Variants in HSPA12A observed in about 807,000 individuals in gnomAD.
The protein encoded by HSPA12A is heat shock 70 kDa protein 12A.
A neutral mutation model predicts 69.2 loss-of-function variants in HSPA12A; 28 were observed. The observed-to-expected ratio is 0.40, with a 90% CI of 0.30 to 0.55. The LOEUF (loss-of-function observed/expected upper bound fraction) is 0.55, where lower values mean the gene tolerates loss of function less well. HSPA12A is among the 20% of genes least tolerant of loss of function. HSPA12A has a pLI of 0.38. For missense variants in HSPA12A, 686 were observed against 900.7 expected (o/e 0.76, Z 3.05); for synonymous variants, 345 against 370.5 (o/e 0.93, Z 0.79).
chr10:116,692,393 C>A lies in HSPA12A; in HGVS notation c.621G>T (p.Trp207Cys). ...VRWVITVPAI[W>C]KQPAKQFMRQ... ...TCATGAACTGCTTGGCCGGCTGCTT[C>A]CAGATGGCAGGCACCGTGATGACCC... Residue 207 changes from tryptophan (W) to cysteine (C), a missense_variant, in exon 6 of 12, where the codon TGG becomes TGT. Trp to Cys is a radical substitution (Grantham distance 215). Coordinates refer to ENST00000369209, the MANE Select transcript of HSPA12A (RefSeq NM_025015.3). The A allele has an allele frequency of 6.2e-7, 1 of 1,614,188 alleles. No individual in the cohort carries two copies. Among genetic ancestry groups the A allele is most frequent in the South Asian group, 1.1e-5 (1 of 91,078 alleles).
intron 5 of HSPA12A, among the ~76,000 whole-genome samples, chr10:116,693,174 C>T (rs1468696550): frequency 6.6e-6 from 1 of 152,160 alleles, no homozygotes; most frequent in Non-Finnish European, 1.5e-5. Flanking sequence ...TTGTCATCTA[C>T]CTTATGCAAG....
intron 1 of HSPA12A, among the ~76,000 whole-genome samples, chr10:116,844,433 A>G (rs138902728): frequency 3.0e-4 from 46 of 152,356 alleles, no homozygotes; most frequent in African/African-American, 1.0e-3. Flanking sequence ...TTTATTACTT[A>G]GCATTTAATT....
At chr10:116,719,105 A>C (rs1850696621) in intron 1 of HSPA12A, among the ~76,000 whole-genome samples, 1 of 152,028 alleles carries the variant, frequency 6.6e-6, no homozygotes, top group South Asian at 2.1e-4. Flanking sequence ...CTCAAAATCC[A>C]TTTCCTGCTT....
intron 9 of HSPA12A, among the ~76,000 whole-genome samples, chr10:116,680,672 G>A (rs556344493): frequency 6.9e-4 from 105 of 152,236 alleles, no homozygotes; most frequent in African/African-American, 2.4e-3. Flanking sequence ...TTTTAGTAGA[G>A]ACAGGGTTTC....
intron 6 of HSPA12A, among the ~76,000 whole-genome samples, chr10:116,690,110 G>A (rs1849694198): frequency 6.6e-6 from 1 of 152,190 alleles, no homozygotes; most frequent in Non-Finnish European, 1.5e-5. Flanking sequence ...TGGAGAGAGA[G>A]TAGAAAGATG....
chr10:116,813,314 C>T (rs1470530537), intron 2 of HSPA12A, among the ~76,000 whole-genome samples: 4 of 141,462 alleles, frequency 2.8e-5, no homozygotes, highest in Admixed American at 1.5e-4. Context: ...GGCGCGATCT[C>T]GGCTCACTGC....
chr10:116,681,040 C>T (rs956518304), intron 9 of HSPA12A, 112 bp downstream of exon 9: 2 of 721,226 alleles, frequency 2.8e-6, no homozygotes, highest in African/African-American at 1.7e-5. Context: ...CCTACGATCC[C>T]ACATGTTAGT....
intron 1 of HSPA12A, among the ~76,000 whole-genome samples, chr10:116,726,086 C>T (rs1230841360): frequency 6.7e-6 from 1 of 150,060 alleles, no homozygotes; most frequent in Non-Finnish European, 1.5e-5. Context: ...TGAATTCTGA[C>T]ATTCCCATGG....
chr10:116,710,715 C>A lies in HSPA12A; in HGVS notation c.41-3430G>T, dbSNP rs1850397168. The stretch of plus-strand genomic sequence containing the variant: ...CTGCACAGAAGGTATGGAGGGGTAA[C>A]ATTTTCAGAGATACCTGCACATGGT... On this transcript the variant is annotated intron_variant, in intron 1 of 11. Transcript: ENST00000369209. This position sits in a 1 kb window ranked among gnomAD's most constrained non-coding sequence, Gnocchi z 4.1. Among the ~76,000 whole-genome samples the A allele has an allele frequency of 6.6e-6, 1 of 152,222 alleles. No individual in the cohort carries two copies. The highest frequency in any genetic ancestry group is 1.5e-5 in the Non-Finnish European group (1 of 68,040).
chr10:116,787,018 G>T (rs576441067), intron 2 of HSPA12A, among the ~76,000 whole-genome samples: 1 of 135,662 alleles, frequency 7.4e-6, no homozygotes, highest in Non-Finnish European at 1.6e-5. Context: ...ATACACACAC[G>T]CACGCACTCA....
chr10:116,764,398 T>C (rs1467518451), intron 2 of HSPA12A, among the ~76,000 whole-genome samples: 3 of 152,150 alleles, frequency 2.0e-5, no homozygotes, highest in African/African-American at 7.2e-5. Context: ...TATGCAGTCA[T>C]AGAAATAAAT....
chr10:116,804,776 T>A (rs1385548851), intron 2 of HSPA12A, among the ~76,000 whole-genome samples: 1 of 152,184 alleles, frequency 6.6e-6, no homozygotes, highest in Non-Finnish European at 1.5e-5. Context: ...TTGCAGCTCC[T>A]ATTTTCTTGG....
chr10:116,714,129 G>T (rs1219641085), intron 1 of HSPA12A, among the ~76,000 whole-genome samples: 1 of 151,900 alleles, frequency 6.6e-6, no homozygotes, highest in East Asian at 1.9e-4. Flanking sequence ...ATAGATGGAT[G>T]GATGGATAGA....
intron 1 of HSPA12A, among the ~76,000 whole-genome samples, chr10:116,741,386 G>A (rs1052561376): frequency 3.9e-5 from 6 of 152,270 alleles, no homozygotes; most frequent in African/African-American, 1.4e-4. Flanking sequence ...TTTCGTGGCT[G>A]AATCTCCCTT....
At chr10:116,774,072 G>T (rs1262223656) in intron 2 of HSPA12A, among the ~76,000 whole-genome samples, 1 of 151,580 alleles carries the variant, frequency 6.6e-6, no homozygotes, top group South Asian at 2.1e-4. Flanking sequence ...TGCAGTGGCG[G>T]GATCTCTGCT....
intron 2 of HSPA12A, among the ~76,000 whole-genome samples, chr10:116,749,368 T>C (rs1554888090): frequency 6.6e-6 from 1 of 152,182 alleles, no homozygotes; most frequent in Non-Finnish European, 1.5e-5. Context: ...CCCATTTATC[T>C]TCATGACCGT....
Position 116,786,023 on chromosome 10 carries a change from T to C in HSPA12A, c.91+48912A>G, listed in dbSNP as rs553648024. 6.6e-5 allele frequency among the ~76,000 whole-genome samples: 10 copies of C among 152,308 alleles called. No homozygotes were observed. The East Asian group carries it at 1.9e-3, about 29-fold the overall frequency. On this transcript the variant is annotated intron_variant, in intron 2 of 12. Coordinates refer to the HSPA12A transcript ENST00000635765. Reference sequence around the variant, plus strand: ...GCACCCGTCATGAGGCCTTTGCTGATCTAACGCCCACCTGTGCACTGGGAA... The same window carrying C: ...GCACCCGTCATGAGGCCTTTGCTGACCTAACGCCCACCTGTGCACTGGGAA...
At chr10:116,687,180 G>C (rs1849598781) in intron 6 of HSPA12A, among the ~76,000 whole-genome samples, 1 of 152,280 alleles carries the variant, frequency 6.6e-6, no homozygotes, top group East Asian at 1.9e-4. Context: ...ACTCAGGGGA[G>C]ACCTTTCATC....
chr10:116,676,355 C>A (rs782106587), intron 11 of HSPA12A, 44 bp downstream of exon 11: 3 of 1,511,520 alleles, frequency 2.0e-6, no homozygotes, highest in Non-Finnish European at 2.8e-6. Flanking sequence ...CATCCCCTTT[C>A]TCAGCTCTGC....
Sources: allele counts gnomAD v4.1 joint callset (sites outside exome capture counted in the v4.1 genomes callset), GRCh38; gene constraint gnomAD v4.1.1; non-coding constraint Gnocchi (gnomAD v3.1); transcripts MANE v1.5; gene names NCBI Gene and HGNC (gene_info 2026-07-23, HGNC 2026-07-21).